Variants in GALNTL6 observed in about 807,000 individuals in gnomAD.
GALNTL6 encodes polypeptide N-acetylgalactosaminyltransferase like 6.
In GALNTL6, 46 loss-of-function variants were observed where a neutral mutation model predicts 73.7. The observed-to-expected ratio is 0.62, with a 90% CI of 0.49 to 0.80. The LOEUF (loss-of-function observed/expected upper bound fraction) is 0.80, where lower values mean the gene tolerates loss of function less well. Ranked by LOEUF, GALNTL6 falls within the 30% of genes least tolerant of loss-of-function variation. The probability of loss-of-function intolerance (pLI) is 0.00; values close to 1 mark genes in which losing one functional copy is unlikely to be tolerated. For synonymous variants in GALNTL6, 259 were observed against 263.7 expected (o/e 0.98, Z 0.17); for missense variants, 604 against 755.0 (o/e 0.80, Z 2.34).
At position 172,280,273 on chromosome 4, in the gene GALNTL6, T is replaced by C. The variant is rs185150912; in HGVS notation, c.248-31341T>C. Among the ~76,000 whole-genome samples the C allele has an allele frequency of 9.2e-5, 14 of 152,254 alleles. No homozygotes were observed. The East Asian group carries it at 2.7e-3, about 29-fold the overall frequency. ...AGTAATTTTTTTAATGAAAACAAAA[T>C]TCTGAAGACAATACTTAGGGAGTTG... On this transcript the variant is annotated intron_variant, in intron 3 of 12. Transcript: ENST00000506823.
chr4:172,411,416 G>A (rs1744431545), intron 5 of GALNTL6, among the ~76,000 whole-genome samples: 1 of 152,074 alleles, frequency 6.6e-6, no homozygotes, highest in Admixed American at 6.6e-5. Flanking sequence ...CATGCAGTTG[G>A]AATCTGGTTT....
At chr4:172,492,318 A>T (rs535074050) in intron 5 of GALNTL6, among the ~76,000 whole-genome samples, 15 of 152,278 alleles carry the variant, frequency 9.9e-5, no homozygotes, top group African/African-American at 3.4e-4. Context: ...AAGGAAAAAA[A>T]TTGAAAATGG....
At chr4:171,829,784 G>A (rs1242369282) in intron 2 of GALNTL6, among the ~76,000 whole-genome samples, 1 of 152,006 alleles carries the variant, frequency 6.6e-6, no homozygotes, top group Non-Finnish European at 1.5e-5. Context: ...AAACATACTA[G>A]TGGGTAGAAT....
intron 5 of GALNTL6, among the ~76,000 whole-genome samples, chr4:172,360,510 G>A (rs948043197): frequency 6.6e-6 from 1 of 152,106 alleles, no homozygotes; most frequent in Admixed American, 6.6e-5. Flanking sequence ...AATTTCTAGG[G>A]TACAGATAAC....
intron 2 of GALNTL6, among the ~76,000 whole-genome samples, chr4:172,046,749 TTCTTATATA>T (rs1423035399): frequency 6.6e-6 from 1 of 152,108 alleles, no homozygotes; most frequent in African/African-American, 2.4e-5. Context: ...TTATGTGAGT[TTCTTATATA>T]TCTTGTATGA....
At chr4:172,146,008 G>A (rs1283991758) in intron 2 of GALNTL6, among the ~76,000 whole-genome samples, 2 of 152,104 alleles carry the variant, frequency 1.3e-5, no homozygotes, top group Non-Finnish European at 2.9e-5. Flanking sequence ...TTTTAAACAA[G>A]GTCTCTTTGT....
chr4:172,256,908 T>C (rs75028938), intron 3 of GALNTL6, among the ~76,000 whole-genome samples: 198 of 151,466 alleles, frequency 1.3e-3, no homozygotes, highest in African/African-American at 4.5e-3. Flanking sequence ...AAAAAACTTA[T>C]GTTCTCATGG....
intron 5 of GALNTL6, among the ~76,000 whole-genome samples, chr4:172,796,254 G>A (rs140157060): frequency 6.6e-6 from 1 of 152,038 alleles, no homozygotes; most frequent in East Asian, 1.9e-4. Flanking sequence ...GTTTTGTTTT[G>A]TTTATTTTCT....
chr4:172,993,465 A>G (rs1751630870), intron 10 of GALNTL6, among the ~76,000 whole-genome samples: 1 of 152,186 alleles, frequency 6.6e-6, no homozygotes. Context: ...TGCCAGTTAC[A>G]GAGGTGATTA....
At chr4:172,675,304 A>G (rs1033975888) in intron 5 of GALNTL6, among the ~76,000 whole-genome samples, 2 of 152,232 alleles carry the variant, frequency 1.3e-5, no homozygotes, top group Non-Finnish European at 2.9e-5. Context: ...TTGGGCCCCA[A>G]CTTTGTTCAC....
At chr4:172,426,488 C>T (rs1731233369) in intron 5 of GALNTL6, among the ~76,000 whole-genome samples, 1 of 151,940 alleles carries the variant, frequency 6.6e-6, no homozygotes, top group African/African-American at 2.4e-5. Flanking sequence ...ATCCCCGGCA[C>T]AAAAACAGCT....
chr4:172,117,775 T>C (rs1733026667), intron 2 of GALNTL6, among the ~76,000 whole-genome samples: 1 of 152,194 alleles, frequency 6.6e-6, no homozygotes, highest in East Asian at 1.9e-4. Flanking sequence ...ACAACATTGT[T>C]GAGACCAAAA....
intron 2 of GALNTL6, among the ~76,000 whole-genome samples, chr4:171,984,580 C>A (rs770142929): frequency 6.6e-6 from 1 of 152,088 alleles, no homozygotes; most frequent in African/African-American, 2.4e-5. Context: ...TGTGACAGCC[C>A]GCTCTGGAGT....
intron 5 of GALNTL6, among the ~76,000 whole-genome samples, chr4:172,513,942 A>G (rs534338809): frequency 6.6e-6 from 1 of 152,272 alleles, no homozygotes; most frequent in African/African-American, 2.4e-5. Context: ...CTGGTTAGAC[A>G]AGATGTTACA....
chr4:172,186,617 A>G (rs916500460), intron 2 of GALNTL6, among the ~76,000 whole-genome samples: 1 of 152,156 alleles, frequency 6.6e-6, no homozygotes, highest in African/African-American at 2.4e-5. Context: ...TACAATGTGT[A>G]TGTATCATCC....
At chr4:172,561,874 T>A (rs1384060265) in intron 5 of GALNTL6, among the ~76,000 whole-genome samples, 1 of 152,178 alleles carries the variant, frequency 6.6e-6, no homozygotes, top group Non-Finnish European at 1.5e-5. Context: ...ATTTTTTTAA[T>A]TAGCAAACTG....
chr4:172,236,573 A>AAAT (rs34458941), intron 3 of GALNTL6, among the ~76,000 whole-genome samples: 20 of 150,954 alleles, frequency 1.3e-4, no homozygotes, highest in African/African-American at 4.9e-4. Context: ...AAAAAAAAAA[A>AAAT]GTATATTAGC....
chr4:172,330,074 C>T (rs1741074502), intron 4 of GALNTL6, among the ~76,000 whole-genome samples: 3 of 152,222 alleles, frequency 2.0e-5, no homozygotes, highest in Admixed American at 6.5e-5. Context: ...CTTCAAGGTG[C>T]AGTGGAAACA....
chr4:172,080,604 G>C (rs1560914188), intron 2 of GALNTL6, among the ~76,000 whole-genome samples: 1 of 151,736 alleles, frequency 6.6e-6, no homozygotes, highest in Non-Finnish European at 1.5e-5. Flanking sequence ...CTATATATGT[G>C]TGTATACAAA....
Sources: gnomAD v4.1 joint callset for allele counts (sites outside exome capture counted in the v4.1 genomes callset) on GRCh38, gnomAD v4.1.1 for gene constraint, MANE v1.5 for transcripts, NCBI Gene and HGNC (gene_info 2026-07-23, HGNC 2026-07-21) for gene names.